The following CACNG5 variants were observed in gnomAD, a reference collection of about 807,000 sequenced individuals.
CACNG5 encodes the protein voltage-dependent calcium channel gamma-5 subunit.
CACNG5 carries 18 observed loss-of-function variants against 24.8 expected under a neutral mutation model. The observed-to-expected ratio is 0.73, with a 90% confidence interval of 0.50 to 1.08. The LOEUF (loss-of-function observed/expected upper bound fraction) is 1.08, where lower values mean the gene tolerates loss of function less well. Among genes scored for constraint, CACNG5 ranks in the 50% least tolerant of loss-of-function variants. CACNG5 has a pLI of 0.00. For missense variants in CACNG5, 349 were observed against 367.9 expected, an observed-to-expected ratio of 0.95 and a Z score of 0.42; for synonymous variants, 157 against 149.1, an observed-to-expected ratio of 1.05 and a Z score of -0.39.
intron 5 of CACNG5, 75 bp from the exon 6 acceptor site, chr17:66,884,908 C>T (rs918234900): frequency 1.9e-6 from 3 of 1,613,734 alleles, no homozygotes; most frequent in South Asian, 2.2e-5. Context: ...GAGCTGTGTC[C>T]TGTGCAGACC....
chr17:66,855,197 A>G (rs181804297), intron 1 of CACNG5, among the ~76,000 whole-genome samples: 1 of 152,356 alleles, frequency 6.6e-6, no homozygotes, highest in Non-Finnish European at 1.5e-5. Context: ...CAGAAAGCTC[A>G]AGTGTCTTGT....
At chr17:66,874,575 G>A (rs1358902707) in intron 1 of CACNG5, among the ~76,000 whole-genome samples, 4 of 152,198 alleles carry the variant, frequency 2.6e-5, no homozygotes, top group Middle Eastern at 3.4e-3. Flanking sequence ...TCCAGTCTTC[G>A]AGGGTGAGAA....
chr17:66,879,240 G>T (rs576504606), intron 3 of CACNG5, among the ~76,000 whole-genome samples, 182 bp downstream of exon 3: 2 of 152,318 alleles, frequency 1.3e-5, no homozygotes, highest in South Asian at 2.1e-4. Flanking sequence ...AAAACAGGTT[G>T]CTGGAGTCTC....
Position 66,891,362 on chromosome 17 carries a change from C to A in CACNG5, c.*6122C>A, listed in dbSNP as rs1412317831. Among the ~76,000 whole-genome samples the A allele has an allele frequency of 6.6e-6, 1 of 152,130 alleles. No individual in the cohort carries two copies. Among genetic ancestry groups the A allele is most frequent in the Non-Finnish European group, 1.5e-5 (1 of 68,016 alleles). On this transcript the variant is annotated 3_prime_UTR_variant, in exon 6 of 6. Transcript: ENST00000533854. ...ACAATCATATCATGATTATTTCTGA[C>A]AGCTTTAGGGGTTGGCTGGGCTCAG... is the stretch of plus-strand genomic sequence containing the variant.
At chr17:66,844,589 T>G (rs1401629130) in intron 1 of CACNG5, among the ~76,000 whole-genome samples, 2 of 152,210 alleles carry the variant, frequency 1.3e-5, no homozygotes, top group African/African-American at 2.4e-5. Context: ...GAGGCTCAGC[T>G]GAAGTTTGTG....
intron 1 of CACNG5, among the ~76,000 whole-genome samples, chr17:66,849,595 G>A (rs1483055177): frequency 6.6e-6 from 1 of 152,176 alleles, no homozygotes; most frequent in African/African-American, 2.4e-5. Context: ...GAACACAGGT[G>A]GGGGACCACA....
chr17:66,884,710 C>G (rs1273649899), intron 5 of CACNG5, 49 bp downstream of exon 5: 7 of 1,614,190 alleles, frequency 4.3e-6, no homozygotes, highest in Admixed American at 3.3e-5. Flanking sequence ...GGGCACTGCC[C>G]CACTGAGCCG....
At chr17:66,846,772 G>T (rs1976642512) in intron 1 of CACNG5, among the ~76,000 whole-genome samples, 1 of 152,210 alleles carries the variant, frequency 6.6e-6, no homozygotes, top group Middle Eastern at 3.4e-3. Context: ...CAATTCTCTT[G>T]GGTATATCCC....
At chr17:66,876,533 C>T (rs1977079577) in intron 1 of CACNG5, among the ~76,000 whole-genome samples, 1 of 152,202 alleles carries the variant, frequency 6.6e-6, no homozygotes, top group Non-Finnish European at 1.5e-5. Context: ...GCCGATACAG[C>T]GTGCTGAGCA....
At chr17:66,856,620 C>T (rs1976781754) in intron 1 of CACNG5, among the ~76,000 whole-genome samples, 1 of 150,500 alleles carries the variant, frequency 6.6e-6, no homozygotes, top group Non-Finnish European at 1.5e-5. Context: ...CGGCTCACTG[C>T]AATCTCCGCC....
At chr17:66,841,575 G>T (rs934232790) in intron 1 of CACNG5, among the ~76,000 whole-genome samples, 1 of 152,120 alleles carries the variant, frequency 6.6e-6, no homozygotes, top group Admixed American at 6.5e-5. Context: ...ACTGCCCTAG[G>T]CAAGGAGAGC....
chr17:66,892,221 C>T lies in CACNG5; in HGVS notation c.*6981C>T, dbSNP rs999824497. ...CAGCCTGCACCAGCCCCACCTCCTCCGACAAGGCTGTGCCTGGGGCAAGAC... is the reference window on the plus strand; with the variant it reads ...CAGCCTGCACCAGCCCCACCTCCTCTGACAAGGCTGTGCCTGGGGCAAGAC... On this transcript the variant is annotated 3_prime_UTR_variant, in exon 6 of 6. Coordinates refer to ENST00000533854, the MANE Select transcript of CACNG5 (RefSeq NM_145811.3). 1.3e-5 allele frequency among the ~76,000 whole-genome samples: 2 copies of T among 152,254 alleles called. No individual in the cohort carries two copies. Among genetic ancestry groups the T allele is most frequent in the Non-Finnish European group, 2.9e-5 (2 of 68,038 alleles).
intron 1 of CACNG5, among the ~76,000 whole-genome samples, chr17:66,843,673 T>C (rs9900897): frequency 8.9e-4 from 135 of 151,814 alleles, no homozygotes; most frequent in African/African-American, 3.2e-3. Context: ...GTTCCAGGAG[T>C]TGGGACTTCC....
chr17:66,886,041 T>G lies in CACNG5; in HGVS notation c.*801T>G, dbSNP rs1325861688. Among the ~76,000 whole-genome samples the G allele has an allele frequency of 6.6e-6, 1 of 152,220 alleles. No individual in the cohort carries two copies. The highest frequency in any genetic ancestry group is 6.5e-5 in the Admixed American group (1 of 15,286). On this transcript the variant is annotated 3_prime_UTR_variant, in exon 6 of 6. Coordinates refer to ENST00000533854, the MANE Select transcript of CACNG5 (RefSeq NM_145811.3). ...TTATGCCTTAACCCAAATAACTGATTCTGACAATGAGAATTTTAGAATCGG... is the reference window on the plus strand; with the variant it reads ...TTATGCCTTAACCCAAATAACTGATGCTGACAATGAGAATTTTAGAATCGG...
In CACNG5 at chr17:66,848,009, G is replaced by C. The variant is rs1018544627; in HGVS notation, c.-104+12759G>C. On this transcript the variant is annotated intron_variant, in intron 1 of 5. Transcript: ENST00000533854. ...TGGGCCCCCACTGGCTTCCCAAAAA[G>C]AGTGTTGTTTCCTGGAGAAGGGTGG... 2.0e-5 allele frequency among the ~76,000 whole-genome samples: 3 copies of C among 152,352 alleles called. No homozygotes were observed. The South Asian group carries it at 6.2e-4, about 32-fold the overall frequency.
intron 1 of CACNG5, among the ~76,000 whole-genome samples, chr17:66,846,992 G>A (rs1189398982): frequency 2.0e-5 from 3 of 152,226 alleles, no homozygotes; most frequent in Non-Finnish European, 2.9e-5. Flanking sequence ...ACACGTGGAG[G>A]CACTGAGCAG....
At position 66,857,073 on chromosome 17, in the gene CACNG5, T is replaced by G. The variant is rs867119326; in HGVS notation, c.-103-20157T>G. Among the ~76,000 whole-genome samples, 872 of 136,986 alleles carry G rather than the reference T, an allele frequency of 6.4e-3. 8 individuals carry two copies. The highest frequency in any genetic ancestry group is 0.023 in the African/African-American group (834 of 36,236). The allele number at this position is 136,986 out of a possible 152,430, so 89.9% of individuals were successfully genotyped here. ...TTTATTTCAATTTTTAAGTTTTTTTTTTTTTTTTTTTTTTTTGATAAGGTC... is the reference window on the plus strand; with the variant it reads ...TTTATTTCAATTTTTAAGTTTTTTTGTTTTTTTTTTTTTTTTGATAAGGTC... On this transcript the variant is annotated intron_variant, in intron 1 of 5. Coordinates refer to ENST00000533854, the MANE Select transcript of CACNG5 (RefSeq NM_145811.3).
rs536866300 is a variant in CACNG5, at chr17:66,880,835, G to A, written c.424+138G>A. 1.3e-4 allele frequency: 112 copies of A among 871,790 alleles called. No homozygotes were observed. In the African/African-American group the frequency reaches 1.5e-3, roughly 12 times the overall value. 54.0% of individuals were successfully genotyped at this position (871,790 alleles called of 1,614,324 possible). ...TGGCTCACTGCAACCTCCACCTCCC[G>A]GATTCAAGCAATTCTGCCTCAGCCT... On this transcript the variant is annotated intron_variant, in intron 4 of 5. Transcript: ENST00000533854.
Position 66,890,849 on chromosome 17 carries a change from C to T in CACNG5, c.*5609C>T, listed in dbSNP as rs1300090509. Among the ~76,000 whole-genome samples the T allele has an allele frequency of 6.6e-6, 1 of 152,202 alleles. No individual in the cohort carries two copies. The highest frequency in any genetic ancestry group is 6.5e-5 in the Admixed American group (1 of 15,284). ...GTTTTACAAGCAAAATGCAACCAAG[C>T]TCAAGTAGTAGACTCCTCCCAGCCC... On this transcript the variant is annotated 3_prime_UTR_variant, in exon 6 of 6. Transcript: ENST00000533854.
Sources: allele counts gnomAD v4.1 joint callset (sites outside exome capture counted in the v4.1 genomes callset), GRCh38; gene constraint gnomAD v4.1.1; transcripts MANE v1.5; gene names NCBI Gene and HGNC (gene_info 2026-07-23, HGNC 2026-07-21).